The following BIN2 variants were observed in gnomAD, a reference collection of about 807,000 sequenced individuals.
The protein encoded by BIN2 is breast cancer associated protein BRAP1.
BIN2 carries 43 observed loss-of-function variants against 67.9 expected under a neutral mutation model. The observed-to-expected ratio is 0.63, with a 90% CI of 0.50 to 0.82. The LOEUF is 0.82. Among genes scored for constraint, BIN2 ranks in the 40% least tolerant of loss-of-function variants. The probability of loss-of-function intolerance (pLI) is 0.00; values close to 1 mark genes in which losing one functional copy is unlikely to be tolerated. For missense variants in BIN2, 581 were observed against 671.6 expected (o/e 0.87, Z 1.49); for synonymous variants, 244 against 246.8 (o/e 0.99, Z 0.11).
chr12:51,298,478 G>A lies in BIN2; in HGVS notation c.602+725C>T, dbSNP rs561383514. On this transcript the variant is annotated intron_variant, in intron 7 of 12. Transcript: ENST00000615107. Reference sequence around the variant, plus strand: ...TGAGGTGGGAGAATTGCTTGAACCCGGGAGGCATAGGTTACAGTGAGCCAC... The same window carrying A: ...TGAGGTGGGAGAATTGCTTGAACCCAGGAGGCATAGGTTACAGTGAGCCAC... Among the ~76,000 whole-genome samples, 210 of 152,172 alleles carry A rather than the reference G, an allele frequency of 1.4e-3. 1 individual carries two copies. The highest frequency in any genetic ancestry group is 2.3e-3 in the Non-Finnish European group (157 of 68,000).
At position 51,287,325 on chromosome 12, in the gene BIN2, G is replaced by GTTGTTTTTTT. The variant is rs1343467670; in HGVS notation, c.1596+773_1596+782dup. 2.7e-5 allele frequency among the ~76,000 whole-genome samples: 4 copies of GTTGTTTTTTT among 150,272 alleles called. 1 individual carries two copies. The highest frequency in any genetic ancestry group is 5.9e-5 in the Non-Finnish European group (4 of 67,446). ...ATCAGTGAGCCTGACTTAAGGAAAA[G>GTTGTTTTTTT]TTGTTTTTTTTTGTTTTTTTTTTTG... On this transcript the variant is annotated intron_variant, in intron 11 of 12. Coordinates refer to ENST00000615107, the MANE Select transcript of BIN2 (RefSeq NM_016293.4).
At chr12:51,321,081 A>G (rs1167755774) in intron 1 of BIN2, among the ~76,000 whole-genome samples, 1 of 152,066 alleles carries the variant, frequency 6.6e-6, no homozygotes, top group Non-Finnish European at 1.5e-5. Context: ...CTCCACTCCC[A>G]GCTTTTCAGA....
chr12:51,281,591 G>A (rs1945121611), intron 12 of BIN2, 63 bp from the exon 13 acceptor site: 1 of 1,559,090 alleles, frequency 6.4e-7, no homozygotes, highest in Non-Finnish European at 8.8e-7. Flanking sequence ...CTTATGGAGG[G>A]GTTAAACTCA....
intron 7 of BIN2, 56 bp downstream of exon 7, chr12:51,299,147 G>A: frequency 8.0e-7 from 1 of 1,255,308 alleles, no homozygotes; most frequent in Non-Finnish European, 1.2e-6. Context: ...TACTGTCAAG[G>A]CACACAAGGT....
intron 9 of BIN2, among the ~76,000 whole-genome samples, chr12:51,294,321 C>G (rs1426108109): frequency 6.6e-6 from 1 of 152,190 alleles, no homozygotes; most frequent in Non-Finnish European, 1.5e-5. Context: ...GTAATCCCAG[C>G]ACTCTGGGAG....
At chr12:51,301,111 G>A (rs1324517717) in intron 5 of BIN2, among the ~76,000 whole-genome samples, 1 of 152,040 alleles carries the variant, frequency 6.6e-6, no homozygotes, top group African/African-American at 2.4e-5. Context: ...CCAGCTACTC[G>A]GGAGGCTGAG....
At chr12:51,324,593 C>CT, upstream of BIN2, 1 of 1,442,790 alleles carries the variant, frequency 6.9e-7, no homozygotes, top group South Asian at 1.4e-5. Context: ...CAGGTAGGCT[C>CT]TAAGCCTGGA....
In BIN2 at chr12:51,291,694, G is replaced by A; in HGVS notation, c.1412C>T (p.Pro471Leu). The change falls in exon 10 of 13, where the codon CCA (proline) becomes CTA (leucine). Residue 471 changes from proline to leucine, a missense_variant. Coordinates refer to ENST00000615107, the MANE Select transcript of BIN2 (RefSeq NM_016293.4). ...TSLEVSPNPE[P>L]PEKPVRTPEA... is the part of the protein sequence containing the mutation. ...AGGAGTTCTTACTGGCTTCTCTGGT[G>A]GTTCTGGATTAGGAGAGACCTCTAG... 6.2e-7 allele frequency: 1 copy of A among 1,613,814 alleles called. No homozygotes were observed. The highest frequency in any genetic ancestry group is 8.5e-7 in the Non-Finnish European group (1 of 1,179,826).
At chr12:51,289,079 A>T (rs1945319255) in intron 10 of BIN2, among the ~76,000 whole-genome samples, 1 of 151,862 alleles carries the variant, frequency 6.6e-6, no homozygotes, top group African/African-American at 2.4e-5. Flanking sequence ...AAGAGAACTA[A>T]TTTTCAAGGC....
intron 1 of BIN2, among the ~76,000 whole-genome samples, chr12:51,323,511 A>T (rs1329503107): frequency 6.6e-6 from 1 of 150,754 alleles, no homozygotes; most frequent in Non-Finnish European, 1.5e-5. Flanking sequence ...CACCACCCAG[A>T]GGCCAGGCAG....
chr12:51,299,712 C>T lies in BIN2; in HGVS notation c.411G>A (p.Glu137=). 1 of 1,614,080 alleles carries T rather than the reference C, an allele frequency of 6.2e-7. No homozygotes were observed. The highest frequency in any genetic ancestry group is 8.5e-7 in the Non-Finnish European group (1 of 1,179,972). Reference sequence around the variant, plus strand: ...GTTTCCGACCCCGCTTGGCAATTCTCTCCTGACCCAGGGTAATGAGAAAGG... The same window carrying T: ...GTTTCCGACCCCGCTTGGCAATTCTTTCCTGACCCAGGGTAATGAGAAAGG... The part of the protein sequence containing the change: ...IYVAQFSEIK[E]RIAKRGRKLV... Residue 137 remains glutamate (E), a splice_region_variant and synonymous_variant, in exon 6 of 13, where the codon GAG becomes GAA. Transcript: ENST00000615107.
rs1328848403 is a variant in BIN2 at position 51,291,632 on chromosome 12, G to C, written c.1474C>G (p.Pro492Ala). The change falls in exon 10 of 13, where the codon CCT (proline) becomes GCT (alanine). Residue 492 changes from proline to alanine, a missense_variant. Pro to Ala is a conservative substitution (Grantham distance 27). Transcript: ENST00000615107. ...GTGGGGGAAGTACAAAGTTCTTCAG[G>C]GTTCTGATTGTGGATGTTTTCATTT... ...KENENIHNQN[P>A]EELCTSPTLM... The C allele has an allele frequency of 6.2e-7, 1 of 1,612,458 alleles. No homozygotes were observed. Among genetic ancestry groups the C allele is most frequent in the Middle Eastern group, 1.7e-4 (1 of 6,036 alleles).
At chr12:51,309,472 T>C (rs1049309552) in intron 2 of BIN2, among the ~76,000 whole-genome samples, 6 of 152,136 alleles carry the variant, frequency 3.9e-5, no homozygotes, top group East Asian at 3.8e-4. Context: ...TAAATGTATT[T>C]ACCAAAAAGA....
intron 1 of BIN2, among the ~76,000 whole-genome samples, chr12:51,315,437 G>T (rs1946101601): frequency 6.6e-6 from 1 of 152,224 alleles, no homozygotes; most frequent in African/African-American, 2.4e-5. Context: ...CTCCCAAAGT[G>T]CTGGGATTAC....
chr12:51,281,650 GA>G, intron 12 of BIN2, 122 bp from the exon 13 acceptor site: 1 of 968,416 alleles, frequency 1.0e-6, no homozygotes, highest in Non-Finnish European at 1.7e-6. Flanking sequence ...GGCCTCTCTT[GA>G]GGGAGGCAAT....
chr12:51,323,092 A>G (rs1472811744), intron 1 of BIN2: 1 of 152,196 alleles, frequency 6.6e-6, no homozygotes, highest in East Asian at 1.9e-4. Flanking sequence ...GGTTGGGCTT[A>G]ATAAAGAGAG....
At position 51,315,297 on chromosome 12, in the gene BIN2, T is replaced by G. The variant is rs139809949; in HGVS notation, c.82-1394A>C. On this transcript the variant is annotated intron_variant, in intron 1 of 12. Coordinates refer to ENST00000615107, the MANE Select transcript of BIN2 (RefSeq NM_016293.4). The stretch of plus-strand genomic sequence containing the variant: ...CCATTCTCCTGCCTCAGCCTCCCGA[T>G]TAGCTTCGGACTACAGGCGCCCGCC... Among the ~76,000 whole-genome samples, 1,367 of 151,992 alleles carry G rather than the reference T, an allele frequency of 9.0e-3. 29 individuals carry two copies. Among genetic ancestry groups the G allele is most frequent in the African/African-American group, 0.031 (1,292 of 41,532 alleles).
At chr12:51,299,835 G>T in intron 5 of BIN2, 121 bp from the exon 6 acceptor site, 1 of 915,804 alleles carries the variant, frequency 1.1e-6, no homozygotes, top group Non-Finnish European at 1.7e-6. Context: ...CACTTTCGTT[G>T]TTTTTTGCTT....
At chr12:51,298,821 A>G (rs1473805261) in intron 7 of BIN2, among the ~76,000 whole-genome samples, 1 of 152,002 alleles carries the variant, frequency 6.6e-6, no homozygotes, top group Non-Finnish European at 1.5e-5. Flanking sequence ...GTAATCCCAG[A>G]ACTTTGGGAG....
Sources: allele counts gnomAD v4.1 joint callset (sites outside exome capture counted in the v4.1 genomes callset), GRCh38; gene constraint gnomAD v4.1.1; transcripts MANE v1.5; gene names NCBI Gene and HGNC (gene_info 2026-07-23, HGNC 2026-07-21).